The following PABPC1L variants were observed in gnomAD, a reference collection of about 807,000 sequenced individuals.
PABPC1L encodes polyadenylate-binding protein 1-like.
PABPC1L carries 31 observed loss-of-function variants against 66.6 expected under a neutral mutation model. The ratio of observed to expected loss-of-function variants is 0.47; its 90% CI spans 0.35 to 0.63. The LOEUF is 0.63. Among genes scored for constraint, PABPC1L ranks in the 20% least tolerant of loss-of-function variants. The probability of loss-of-function intolerance (pLI) is 0.00; values close to 1 mark genes in which losing one functional copy is unlikely to be tolerated. For synonymous variants in PABPC1L, 348 were observed against 335.1 expected (o/e 1.04, Z -0.42); for missense variants, 722 against 848.8 (o/e 0.85, Z 1.86).
chr20:44,937,887 C>T lies in PABPC1L; in HGVS notation c.1661-174C>T, dbSNP rs1029265545. ...AGATGGGCTGACCACCAATACCAGGCCCAGTCATTAAAAGTACCTGATGTT... is the reference window on the plus strand; with the variant it reads ...AGATGGGCTGACCACCAATACCAGGTCCAGTCATTAAAAGTACCTGATGTT... On this transcript the variant is annotated intron_variant, in intron 12 of 14. Coordinates refer to ENST00000217073, the MANE Select transcript of PABPC1L (RefSeq NM_001372179.1). The T allele has an allele frequency of 4.7e-6, 4 of 851,948 alleles. No individual in the cohort carries two copies. The African/African-American group carries it at 5.2e-5, about 11-fold the overall frequency. 52.8% of individuals were successfully genotyped at this position (851,948 alleles called of 1,614,324 possible). A position where few individuals can be genotyped will look rare whatever the true frequency, so the allele number is the denominator to read the frequency against.
At chr20:44,915,393 CA>C (rs2145556247) in intron 2 of PABPC1L, among the ~76,000 whole-genome samples, 1 of 152,238 alleles carries the variant, frequency 6.6e-6, no homozygotes, top group East Asian at 1.9e-4. Flanking sequence ...GCGAGTTCAA[CA>C]AGAGGGATGG....
intron 2 of PABPC1L, among the ~76,000 whole-genome samples, chr20:44,915,269 T>A (rs905164476): frequency 2.0e-5 from 3 of 152,202 alleles, no homozygotes; most frequent in Admixed American, 1.3e-4. Flanking sequence ...CAAGCTAGGC[T>A]GGGAGGCAGT....
intron 8 of PABPC1L, among the ~76,000 whole-genome samples, chr20:44,931,003 T>TCCTTCCTTCCTTCCTTCCCTCCCTTC (rs1568649841): frequency 9.9e-6 from 1 of 101,182 alleles, no homozygotes; most frequent in African/African-American, 4.2e-5. Flanking sequence ...CATTTTTCCT[T>TCCTTCCTTCCTTCCTTCCCTCCCTTC]CCTCCCTTCC....
chr20:44,935,502 G>A lies in PABPC1L; in HGVS notation c.1566+5G>A, dbSNP rs1261490148. ...GCAGCACATAGCACCTATCGGGTAA[G>A]GCCAGCCCAGCTGCCTGCTCTTAGC... is the stretch of plus-strand genomic sequence containing the variant. On this transcript the variant is annotated splice_donor_5th_base_variant and intron_variant, in intron 11 of 14. Transcript: ENST00000217073. 1 of 1,613,582 alleles carries A rather than the reference G, an allele frequency of 6.2e-7. No individual in the cohort carries two copies. Among genetic ancestry groups the A allele is most frequent in the African/African-American group, 1.3e-5 (1 of 75,026 alleles).
chr20:44,933,654 A>G (rs1037455018), intron 10 of PABPC1L, among the ~76,000 whole-genome samples: 2 of 151,088 alleles, frequency 1.3e-5, no homozygotes, highest in African/African-American at 4.9e-5. Flanking sequence ...CATGTTGGTC[A>G]GGTTGGTCTT....
At chr20:44,912,543 G>A (rs908735792) in intron 1 of PABPC1L, 117 bp from the exon 2 acceptor site, 7 of 867,058 alleles carry the variant, frequency 8.1e-6, no homozygotes, top group African/African-American at 6.8e-5. Flanking sequence ...TTATTGTCTG[G>A]GACCCAGACA....
At chr20:44,933,698 G>C (rs1457358624) in intron 10 of PABPC1L, among the ~76,000 whole-genome samples, 1 of 150,340 alleles carries the variant, frequency 6.7e-6, no homozygotes, top group Non-Finnish European at 1.5e-5. Context: ...GCCCACCTCA[G>C]CCTCCCAAAG....
Position 44,933,072 on chromosome 20 carries a change from G to C in PABPC1L, c.1346G>C (p.Gly449Ala), listed in dbSNP as rs962893313. 18 of 1,589,664 alleles carry C rather than the reference G, an allele frequency of 1.1e-5. No individual in the cohort carries two copies. Among genetic ancestry groups the C allele is most frequent in the Non-Finnish European group, 1.5e-5 (17 of 1,168,820 alleles). The change falls in exon 10 of 15, where the codon GGT becomes GCT. Residue 449 changes from glycine (G) to alanine (A), a missense_variant. Gly to Ala is a moderately conservative substitution (Grantham distance 60). This residue lies in a region of PABPC1L where 301 missense variants were observed against 337.2 expected (regional missense o/e 0.89). Transcript: ENST00000217073. ...PPRPSSAYPP[G>A]ASMVRPPVVP... ...GCACCACAAGCTGCCTACCCTCCAG[G>C]TGCCTCAATGGTCCGGCCACCAGTT...
chr20:44,930,549 C>T lies in PABPC1L; in HGVS notation c.1062C>T (p.Asn354=), dbSNP rs778483862. The T allele has an allele frequency of 1.5e-5, 24 of 1,614,138 alleles. No homozygotes were observed. The highest frequency in any genetic ancestry group is 5.5e-5 in the South Asian group (5 of 91,096). The change falls in exon 8 of 15, where the codon AAC becomes AAT. Residue 354 remains asparagine (N), a synonymous_variant. Transcript: ENST00000217073. Reference sequence around the variant, plus strand: ...CGACAAAGGCCGTGACAGAGATGAACGGGCGCATCGTGGGCACCAAGCCAC... The same window carrying T: ...CGACAAAGGCCGTGACAGAGATGAATGGGCGCATCGTGGGCACCAAGCCAC... ...EEATKAVTEM[N]GRIVGTKPLY... is the part of the protein sequence containing the mutation.
rs761454087 is a variant in PABPC1L, at chr20:44,938,738, A to G, written c.1856A>G (p.His619Arg). Residue 619 changes from histidine (H) to arginine (R), a missense_variant, in exon 14 of 15, where the codon CAC becomes CGC. By Grantham distance (29) the His-to-Arg change is conservative. Around this residue, in one of 3 missense-constraint regions of PABPC1L, gnomAD observed 301 missense variants for 337.2 expected, o/e 0.89. Coordinates refer to ENST00000217073, the MANE Select transcript of PABPC1L (RefSeq NM_001372179.1). ...QAMEQPKAYM[H>R] The stretch of plus-strand genomic sequence containing the variant: ...ATGGAGCAGCCGAAGGCGTACATGC[A>G]CTGAAACCAGGTGGGTGGAATGGTG... The G allele has an allele frequency of 6.2e-7, 1 of 1,611,054 alleles. No individual in the cohort carries two copies. Among genetic ancestry groups the G allele is most frequent in the South Asian group, 1.1e-5 (1 of 90,048 alleles).
At chr20:44,926,148 G>A (rs1282891029) in intron 7 of PABPC1L, among the ~76,000 whole-genome samples, 4 of 152,150 alleles carry the variant, frequency 2.6e-5, no homozygotes, top group Admixed American at 2.6e-4. Context: ...GTGTAAATTT[G>A]GATTGCTTAG....
At chr20:44,936,777 G>A (rs373626811) in intron 12 of PABPC1L, 47 bp downstream of exon 12, 9 of 1,551,422 alleles carry the variant, frequency 5.8e-6, no homozygotes, top group East Asian at 4.6e-5. Flanking sequence ...GGAGGGCTGC[G>A]AGCTGGCTAG....
rs147921114 is a variant in PABPC1L at position 44,928,243 on chromosome 20, G to T, written c.973-2217G>T. The stretch of plus-strand genomic sequence containing the variant: ...CCGCCACCATAACCAGCTAATTTTT[G>T]TATATTTTTAGTAGAGATGGGGTTT... On this transcript the variant is annotated intron_variant, in intron 7 of 14. Coordinates refer to ENST00000217073, the MANE Select transcript of PABPC1L (RefSeq NM_001372179.1). Among the ~76,000 whole-genome samples the T allele has an allele frequency of 1.2e-4, 18 of 151,496 alleles. No homozygotes were observed. The East Asian group carries it at 2.0e-3, about 16-fold the overall frequency.
At chr20:44,937,072 G>C (rs573240125) in intron 12 of PABPC1L, 9 of 475,010 alleles carry the variant, frequency 1.9e-5, no homozygotes, top group Non-Finnish European at 3.0e-5. Flanking sequence ...TGTAGGTGGG[G>C]GGTTAAAGTT....
At position 44,939,235 on chromosome 20, in the gene PABPC1L, G is replaced by A; in HGVS notation, c.*116G>A. 1 of 717,506 alleles carries A rather than the reference G, an allele frequency of 1.4e-6. No homozygotes were observed. Among genetic ancestry groups the A allele is most frequent in the Non-Finnish European group, 2.6e-6 (1 of 385,080 alleles). 44.4% of individuals were successfully genotyped at this position (717,506 alleles called of 1,614,324 possible). On this transcript the variant is annotated 3_prime_UTR_variant, in exon 15 of 15. Transcript: ENST00000217073. The stretch of plus-strand genomic sequence containing the variant: ...TCCCAATTAGTCTGTATCTATACTT[G>A]GGCTCTGTATGTGAATGAAGGTTGG...
At chr20:44,932,068 C>T (rs977800781) in intron 8 of PABPC1L, 5 of 290,848 alleles carry the variant, frequency 1.7e-5, no homozygotes, top group African/African-American at 8.7e-5. Context: ...TTAAGCTGCA[C>T]AAGTTGGAGT....
At chr20:44,924,072 C>T in intron 6 of PABPC1L, 89 bp from the exon 7 acceptor site, 2 of 1,075,050 alleles carry the variant, frequency 1.9e-6, no homozygotes, top group Non-Finnish European at 2.9e-6. Flanking sequence ...TCCCCATGCC[C>T]CTTGTACCTG....
intron 8 of PABPC1L, among the ~76,000 whole-genome samples, chr20:44,931,007 C>CCTT (rs1568649861): frequency 8.8e-5 from 6 of 68,274 alleles, no homozygotes; most frequent in Non-Finnish European, 1.2e-4. Flanking sequence ...TTTCCTTCCT[C>CCTT]CCTTCCTTCC....
chr20:44,921,332 G>C lies in PABPC1L; in HGVS notation c.739-262G>C, dbSNP rs183527290. Among the ~76,000 whole-genome samples, 11 of 152,186 alleles carry C rather than the reference G, an allele frequency of 7.2e-5. No homozygotes were observed. In the East Asian group the frequency reaches 2.1e-3, roughly 29 times the overall value. On this transcript the variant is annotated intron_variant, in intron 5 of 14. Transcript: ENST00000217073. ...CCTGGCTAATTTTGTATTTTTAGTA[G>C]AGACGGGGTTTCTCCATGTTGGTCA...
Sources: allele counts gnomAD v4.1 joint callset (sites outside exome capture counted in the v4.1 genomes callset), GRCh38; gene constraint gnomAD v4.1.1; regional missense constraint gnomAD v4.1.1; transcripts MANE v1.5; gene names NCBI Gene and HGNC (gene_info 2026-07-23, HGNC 2026-07-21).